Variants in JAG2 observed in about 807,000 individuals in gnomAD.
JAG2 encodes the protein jagged canonical Notch ligand 2, also known as protein jagged-2.
Under a neutral mutation model 141.7 loss-of-function variants are expected in JAG2, and 46 were observed. That is an observed-to-expected ratio of 0.32 (90% confidence interval 0.26 to 0.42). The LOEUF is 0.42. Ranked by LOEUF, JAG2 falls within the 10% of genes least tolerant of loss-of-function variation. The pLI, the probability that JAG2 is intolerant of heterozygous loss-of-function variation, is 1.00. For synonymous variants in JAG2, 862 were observed against 763.5 expected, an observed-to-expected ratio of 1.13 and a Z score of -2.13; for missense variants, 1,500 against 1,817.5, an observed-to-expected ratio of 0.83 and a Z score of 3.18.
At chr14:105,146,590 G>A (rs772254570) in intron 21 of JAG2, 21 bp downstream of exon 21, 29 of 1,609,468 alleles carry the variant, frequency 1.8e-5, no homozygotes, top group Middle Eastern at 1.6e-4. Context: ...CCCCAACCCA[G>A]GGCAATCACA....
At position 105,145,739 on chromosome 14, in the gene JAG2, C is replaced by T. The variant is rs770587327; in HGVS notation, c.2944G>A (p.Val982Met). Reference protein sequence around the residue: ...RLTLHFNRDHVPQGTTVGAIC... With the variant: ...RLTLHFNRDHMPQGTTVGAIC... ...GCCACCAGGCCCCTCACCTGGGGCA[C>T]GTGGTCACGGTTGAAATGCAAGGTG... The change falls in exon 23 of 26, where the codon GTG becomes ATG. Residue 982 changes from valine to methionine, a missense_variant. Val to Met is a conservative substitution (Grantham distance 21, BLOSUM62 1). This residue lies in a region of JAG2 where 425 missense variants were observed against 441.0 expected (regional missense o/e 0.96). Transcript: ENST00000331782. The T allele has an allele frequency of 1.3e-5, 21 of 1,594,630 alleles. No homozygotes were observed. The highest frequency in any genetic ancestry group is 1.0e-4 in the Admixed American group (6 of 57,932).
intron 24 of JAG2, among the ~76,000 whole-genome samples, chr14:105,144,720 C>T (rs1888170287): frequency 1.3e-5 from 2 of 152,220 alleles, no homozygotes; most frequent in African/African-American, 2.4e-5. Context: ...CTCCACACCA[C>T]AGCCCTGCAT....
intron 3 of JAG2, among the ~76,000 whole-genome samples, chr14:105,156,429 C>T (rs1888585759): frequency 6.6e-6 from 1 of 152,128 alleles, no homozygotes; most frequent in Non-Finnish European, 1.5e-5. Context: ...AGTTGCCCTC[C>T]CCTCTCCTGC....
At chr14:105,156,091 G>A in intron 3 of JAG2, 102 bp from the exon 4 acceptor site, 2 of 1,445,234 alleles carry the variant, frequency 1.4e-6, no homozygotes, top group African/African-American at 1.4e-5. Flanking sequence ...CTGCTGCAAG[G>A]CCGGGGCACA....
chr14:105,160,631 G>A (rs1438285819), intron 2 of JAG2, among the ~76,000 whole-genome samples: 1 of 152,008 alleles, frequency 6.6e-6, no homozygotes. Context: ...AAGAGGCTGA[G>A]GCAGGCAGAT....
rs377640537 is a variant in JAG2 at position 105,154,571 on chromosome 14, C to T, written c.788+991G>A. ...CCATCTGGACTTGGCTGTAAGACCC[C>T]GGACACTCCCTTGTGGAGGCCCTTG... On this transcript the variant is annotated intron_variant, in intron 5 of 25. Transcript: ENST00000331782. The surrounding 1 kb of genome is among the most constrained non-coding windows in gnomAD (Gnocchi z 4.4). Among the ~76,000 whole-genome samples, 16 of 152,146 alleles carry T rather than the reference C, an allele frequency of 1.1e-4. 1 individual carries two copies. The highest frequency in any genetic ancestry group is 9.8e-4 in the Admixed American group (15 of 15,280).
chr14:105,162,692 CAAAGTA>C (rs1375869763), intron 2 of JAG2, among the ~76,000 whole-genome samples: 17 of 147,838 alleles, frequency 1.1e-4, no homozygotes, highest in South Asian at 2.1e-4. Context: ...CCAAGGCACC[CAAAGTA>C]CAGAGTACCC....
At chr14:105,164,936 C>G (rs1460750648) in intron 2 of JAG2, among the ~76,000 whole-genome samples, 1 of 152,190 alleles carries the variant, frequency 6.6e-6, no homozygotes, top group Non-Finnish European at 1.5e-5. Context: ...CCAGGCCCAC[C>G]TCCTGTATCT....
chr14:105,142,905 G>A lies in JAG2; in HGVS notation c.3507C>T (p.Ala1169=), dbSNP rs776001121. 37 of 1,603,118 alleles carry A rather than the reference G, an allele frequency of 2.3e-5. No homozygotes were observed. Among genetic ancestry groups the A allele is most frequent in the Non-Finnish European group, 2.9e-5 (34 of 1,175,128 alleles). ...RRADEALPGP[A]GHAAVREDEE... ...CATCCTCCCTGACGGCCGCGTGGCC[G>A]GCCGGCCCGGGCAGCGCCTCGTCCG... Residue 1169 remains alanine (A), a synonymous_variant, in exon 26 of 26, where the codon GCC becomes GCT. Coordinates refer to ENST00000331782, the MANE Select transcript of JAG2 (RefSeq NM_002226.5).
Position 105,168,338 on chromosome 14 carries a change from C to T in JAG2, c.66+17G>A. 1 of 878,988 alleles carries T rather than the reference C, an allele frequency of 1.1e-6. No individual in the cohort carries two copies. The highest frequency in any genetic ancestry group is 1.4e-6 in the Non-Finnish European group (1 of 715,588). The allele number at this position is 878,988 out of a possible 1,614,324, so 54.4% of individuals were successfully genotyped here. On this transcript the variant is annotated intron_variant, in intron 1 of 25. Coordinates refer to ENST00000331782, the MANE Select transcript of JAG2 (RefSeq NM_002226.5). The stretch of plus-strand genomic sequence containing the variant: ...TGCCCCGTCCGCGACCCCCGCCGCC[C>T]CCGCCGCCCCGCTCACCTGCACCCA...
At position 105,147,858 on chromosome 14, in the gene JAG2, CAG is replaced by C; in HGVS notation, c.2277_2278del (p.Val761GlufsTer45). 2 of 1,553,106 alleles carry C rather than the reference CAG, an allele frequency of 1.3e-6. No individual in the cohort carries two copies. The highest frequency in any genetic ancestry group is 1.7e-6 in the Non-Finnish European group (2 of 1,149,864). On this transcript the variant is annotated frameshift_variant, in exon 18 of 26. Transcript: ENST00000331782. LOFTEE classifies it high-confidence loss of function. ...GCCCACGCAGGTGCCACCATTCACA[CAG>C]GGGTTGGGCAGGCAGCTGCTGTTCT...
At chr14:105,150,439 C>T (rs942658819) in intron 12 of JAG2, among the ~76,000 whole-genome samples, 165 bp downstream of exon 12, 1 of 152,176 alleles carries the variant, frequency 6.6e-6, no homozygotes, top group African/African-American at 2.4e-5. Context: ...CTGTGACAGC[C>T]CCGCCTGCCC....
At chr14:105,163,251 G>C (rs904640479) in intron 2 of JAG2, among the ~76,000 whole-genome samples, 2 of 152,194 alleles carry the variant, frequency 1.3e-5, no homozygotes, top group Admixed American at 1.3e-4. Context: ...CCGAGGCAGG[G>C]AAGAAGGGGT....
At chr14:105,153,563 G>A (rs1888499509) in intron 5 of JAG2, among the ~76,000 whole-genome samples, 1 of 152,152 alleles carries the variant, frequency 6.6e-6, no homozygotes, top group African/African-American at 2.4e-5. Context: ...AGCAGCCCCA[G>A]GGCCCTGGAG....
chr14:105,167,813 C>A lies in JAG2; in HGVS notation c.361G>T (p.Ala121Ser). ...AGDRARARAR[A>S]GGDQDPGLVV... ...AGGCCCGGGTCCTGGTCGCCGCCGGCCCGGGCCCGCGCCCGCGCTCGGTCC... is the reference window on the plus strand; with the variant it reads ...AGGCCCGGGTCCTGGTCGCCGCCGGACCGGGCCCGCGCCCGCGCTCGGTCC... Residue 121 changes from alanine (A) to serine (S), a missense_variant, in exon 2 of 26, where the codon GCC (alanine) becomes TCC (serine). Transcript: ENST00000331782. This position sits in a 1 kb window ranked among gnomAD's most constrained non-coding sequence, Gnocchi z 4.8. 1 of 1,469,176 alleles carries A rather than the reference C, an allele frequency of 6.8e-7. No individual in the cohort carries two copies. The highest frequency in any genetic ancestry group is 1.3e-5 in the South Asian group (1 of 77,244). 91.0% of individuals were successfully genotyped at this position (1,469,176 alleles called of 1,614,324 possible). A position where few individuals can be genotyped will look rare whatever the true frequency, so the allele number is the denominator to read the frequency against.
In JAG2 at chr14:105,149,320, C is replaced by T. The variant is rs775139710; in HGVS notation, c.1603G>A (p.Val535Met). The change falls in exon 13 of 26, where the codon GTG becomes ATG. Residue 535 changes from valine (V) to methionine (M), a missense_variant and splice_region_variant. Val to Met is a conservative substitution (Grantham distance 21, BLOSUM62 1). Transcript: ENST00000331782. ...PQGFSGPLCE[V>M]DVDLCEPSPC... ...CTTGGCTCACAAAGGTCGACATCCACCTGCAGGGTGGGGGGTGCCTGTGAG... is the reference window on the plus strand; with the variant it reads ...CTTGGCTCACAAAGGTCGACATCCATCTGCAGGGTGGGGGGTGCCTGTGAG... The T allele has an allele frequency of 6.2e-7, 1 of 1,612,634 alleles. No homozygotes were observed. Among genetic ancestry groups the T allele is most frequent in the Non-Finnish European group, 8.5e-7 (1 of 1,179,970 alleles).
At position 105,168,694 on chromosome 14, in the gene JAG2, C is replaced by CGGCGGT. The variant is rs1398937134; in HGVS notation, c.-280_-275dup. On this transcript the variant is annotated 5_prime_UTR_variant, in exon 1 of 26. Coordinates refer to ENST00000331782, the MANE Select transcript of JAG2 (RefSeq NM_002226.5). The stretch of plus-strand genomic sequence containing the variant: ...GGCTCCCACCCGGCGGCGACGGCGG[C>CGGCGGT]GGCGGTGAAGGCAGCGGGTCCCGGC... The CGGCGGT allele has an allele frequency of 6.4e-6, 1 of 155,790 alleles. No individual in the cohort carries two copies. The highest frequency in any genetic ancestry group is 2.5e-5 in the African/African-American group (1 of 40,816). 9.7% of individuals were successfully genotyped at this position (155,790 alleles called of 1,614,324 possible). A position where few individuals can be genotyped will look rare whatever the true frequency, so the allele number is the denominator to read the frequency against.
rs748241856 is a variant in JAG2, at chr14:105,148,357, G to A, written c.2103C>T (p.Asp701=). The A allele has an allele frequency of 2.2e-5, 35 of 1,611,318 alleles. No individual in the cohort carries two copies. The highest frequency in any genetic ancestry group is 1.3e-4 in the South Asian group (12 of 91,010). Residue 701 remains aspartate, a synonymous_variant, in exon 16 of 26, where the codon GAC becomes GAT. Transcript: ENST00000331782. ...GGCAGGTCTTGCCCTTCCAGCCGTCGTCGCACGCACAGTAGAAGTCATTGA... is the reference window on the plus strand; with the variant it reads ...GGCAGGTCTTGCCCTTCCAGCCGTCATCGCACGCACAGTAGAAGTCATTGA... ...DLVNDFYCAC[D]DGWKGKTCHS...
chr14:105,149,125 C>A, intron 13 of JAG2, 36 bp from the exon 14 acceptor site: 1 of 1,582,762 alleles, frequency 6.3e-7, no homozygotes, highest in Non-Finnish European at 8.6e-7. Flanking sequence ...TCAGGCCCGC[C>A]CCTGCCCCAC....
Sources: allele counts gnomAD v4.1 joint callset (sites outside exome capture counted in the v4.1 genomes callset), GRCh38; gene constraint gnomAD v4.1.1; regional missense constraint gnomAD v4.1.1; non-coding constraint Gnocchi (gnomAD v3.1); transcripts MANE v1.5; gene names NCBI Gene and HGNC (gene_info 2026-07-23, HGNC 2026-07-21).